The following CAMK2D variants were observed in gnomAD, a reference collection of about 807,000 sequenced individuals.
CAMK2D encodes calcium/calmodulin dependent protein kinase II delta.
CAMK2D carries 37 observed loss-of-function variants against 84.0 expected under a neutral mutation model. The ratio of observed to expected loss-of-function variants is 0.44; its 90% CI spans 0.34 to 0.58. CAMK2D has a LOEUF of 0.58. Ranked by LOEUF, CAMK2D falls within the 20% of genes least tolerant of loss-of-function variation. CAMK2D has a pLI of 0.02. For missense variants in CAMK2D, 448 were observed against 652.5 expected (o/e 0.69, Z 3.41); for synonymous variants, 202 against 212.5 (o/e 0.95, Z 0.43).
At chr4:113,608,418 GTTTC>G (rs572715834) in intron 4 of CAMK2D, among the ~76,000 whole-genome samples, 212 of 152,218 alleles carry the variant, frequency 1.4e-3, no homozygotes, top group African/African-American at 4.7e-3. Context: ...CCTTAAGTTG[GTTTC>G]TTTCTTTTCT....
rs558019523 is a variant in CAMK2D, at chr4:113,607,680, T to C, written c.275+1472A>G. 1.1e-3 allele frequency among the ~76,000 whole-genome samples: 172 copies of C among 152,120 alleles called. 2 individuals carry two copies. The highest frequency in any genetic ancestry group is 4.0e-3 in the African/African-American group (165 of 41,478). On this transcript the variant is annotated intron_variant, in intron 4 of 20. Coordinates refer to ENST00000511664, the MANE Select transcript of CAMK2D (RefSeq NM_001321571.2). ...TTTTCCACTACCCACCCAAATCCTA[T>C]AAAACTGTCCCACCCCTATCTCCCT... is the stretch of plus-strand genomic sequence containing the variant.
At chr4:113,542,093 T>G (rs2098533819) in intron 6 of CAMK2D, among the ~76,000 whole-genome samples, 1 of 152,168 alleles carries the variant, frequency 6.6e-6, no homozygotes, top group African/African-American at 2.4e-5. Context: ...GTTTATTCAT[T>G]TACTTCCACA....
At chr4:113,626,687 C>T (rs901443424) in intron 3 of CAMK2D, among the ~76,000 whole-genome samples, 5 of 152,130 alleles carry the variant, frequency 3.3e-5, no homozygotes, top group Non-Finnish European at 7.3e-5. Context: ...AAGTAGACAG[C>T]GGATCTGGAC....
intron 1 of CAMK2D, 32 bp downstream of exon 1, chr4:113,760,972 G>GA: frequency 6.2e-7 from 1 of 1,613,940 alleles, no homozygotes; most frequent in Non-Finnish European, 8.5e-7. Flanking sequence ...AGCTGGAAAG[G>GA]GGATATGCGG....
chr4:113,469,544 A>T (rs1165129725), intron 16 of CAMK2D, among the ~76,000 whole-genome samples: 1 of 152,198 alleles, frequency 6.6e-6, no homozygotes, highest in East Asian at 1.9e-4. Context: ...TGTTTTAAAT[A>T]GTCATCTATA....
intron 2 of CAMK2D, among the ~76,000 whole-genome samples, chr4:113,694,401 A>G (rs903276232): frequency 3.9e-5 from 6 of 152,214 alleles, no homozygotes; most frequent in African/African-American, 1.4e-4. Context: ...ATAATTAAGA[A>G]AAAAGGCATC....
intron 6 of CAMK2D, among the ~76,000 whole-genome samples, chr4:113,543,378 T>C (rs1346838354): frequency 8.2e-6 from 1 of 121,734 alleles, no homozygotes; most frequent in East Asian, 2.0e-4. Context: ...TATGTATATA[T>C]ATTGATTTTT....
chr4:113,600,743 T>G (rs2098948400), intron 4 of CAMK2D, among the ~76,000 whole-genome samples: 1 of 152,122 alleles, frequency 6.6e-6, no homozygotes. Flanking sequence ...AGTGATCCTC[T>G]CACCTCAGCC....
Position 113,451,491 on chromosome 4 carries a change from C to T in CAMK2D, c.*3054G>A, listed in dbSNP as rs539369878. ...TTTATTAAGTTGGTATGTTTATTCT[C>T]ATTTTACAAATATGGAAACTGAGGG... On this transcript the variant is annotated 3_prime_UTR_variant, in exon 21 of 21. Coordinates refer to ENST00000511664, the MANE Select transcript of CAMK2D (RefSeq NM_001321571.2). The T allele has an allele frequency of 6.6e-6, 1 of 152,242 alleles. No individual in the cohort carries two copies. Among genetic ancestry groups the T allele is most frequent in the South Asian group, 2.1e-4 (1 of 4,828 alleles). The allele number at this position is 152,242 out of a possible 1,614,324, so 9.4% of individuals were successfully genotyped here. A position where few individuals can be genotyped will look rare whatever the true frequency, so the allele number is the denominator to read the frequency against.
chr4:113,562,596 G>A (rs1439926029), intron 4 of CAMK2D, among the ~76,000 whole-genome samples: 1 of 152,168 alleles, frequency 6.6e-6, no homozygotes, highest in Non-Finnish European at 1.5e-5. Flanking sequence ...GAAAGAAGGA[G>A]CAACAGATTT....
chr4:113,513,969 A>G, intron 10 of CAMK2D, 56 bp from the exon 11 acceptor site: 2 of 770,456 alleles, frequency 2.6e-6, no homozygotes, highest in Non-Finnish European at 4.4e-6. Context: ...CACACTAAGT[A>G]TAATAATGTC....
chr4:113,747,850 GA>G (rs1204040992), intron 2 of CAMK2D, among the ~76,000 whole-genome samples: 3 of 152,034 alleles, frequency 2.0e-5, no homozygotes, highest in African/African-American at 7.2e-5. Flanking sequence ...TTCGTTGGAA[GA>G]AAAAACTCCC....
At chr4:113,599,719 G>A (rs558862419) in intron 4 of CAMK2D, among the ~76,000 whole-genome samples, 162 of 152,252 alleles carry the variant, frequency 1.1e-3, no homozygotes, top group Middle Eastern at 6.8e-3. Context: ...TGTATGTTAC[G>A]TGTATTATAT....
intron 3 of CAMK2D, among the ~76,000 whole-genome samples, chr4:113,659,928 A>G (rs1034625170): frequency 6.6e-6 from 1 of 152,204 alleles, no homozygotes; most frequent in African/African-American, 2.4e-5. Flanking sequence ...AGTGAATGAT[A>G]TAGGTGAATT....
chr4:113,506,223 A>T (rs1259750755), intron 13 of CAMK2D, among the ~76,000 whole-genome samples: 1 of 152,152 alleles, frequency 6.6e-6, no homozygotes, highest in Non-Finnish European at 1.5e-5. Flanking sequence ...TCCTGTCAAA[A>T]CTAGTATTGA....
At chr4:113,635,703 T>C (rs946479604) in intron 3 of CAMK2D, among the ~76,000 whole-genome samples, 1 of 152,228 alleles carries the variant, frequency 6.6e-6, no homozygotes, top group African/African-American at 2.4e-5. Context: ...AATATAATAG[T>C]GGAGAAAATA....
chr4:113,561,719 G>A (rs745612900), intron 4 of CAMK2D, among the ~76,000 whole-genome samples: 8 of 152,206 alleles, frequency 5.3e-5, no homozygotes, highest in African/African-American at 1.9e-4. Context: ...GTCTGAGATA[G>A]TAATACCATT....
chr4:113,636,660 C>G (rs975123849), intron 3 of CAMK2D, among the ~76,000 whole-genome samples: 1 of 152,118 alleles, frequency 6.6e-6, no homozygotes, highest in African/African-American at 2.4e-5. Context: ...ATAGATGGCC[C>G]CCTTGTCACT....
chr4:113,529,525 T>G (rs1338151307), intron 8 of CAMK2D, among the ~76,000 whole-genome samples: 5 of 152,182 alleles, frequency 3.3e-5, no homozygotes, highest in African/African-American at 7.2e-5. Flanking sequence ...CTGGTAGCAA[T>G]GACATAGTAT....
Sources: gnomAD v4.1 joint callset for allele counts (sites outside exome capture counted in the v4.1 genomes callset) on GRCh38, gnomAD v4.1.1 for gene constraint, MANE v1.5 for transcripts, NCBI Gene and HGNC (gene_info 2026-07-23, HGNC 2026-07-21) for gene names.